Variants in PLEKHS1 observed in about 807,000 individuals in gnomAD.
PLEKHS1 encodes pleckstrin homology domain-containing family S member 1.
In PLEKHS1, 55 loss-of-function variants were observed where a neutral mutation model predicts 51.0. The ratio of observed to expected loss-of-function variants is 1.08; its 90% CI spans 0.87 to 1.35. The LOEUF (loss-of-function observed/expected upper bound fraction) is 1.35. Among genes scored for constraint, PLEKHS1 ranks in the 40% most tolerant of loss-of-function variants. The probability of loss-of-function intolerance (pLI) is 0.00; values close to 1 mark genes in which losing one functional copy is unlikely to be tolerated. For synonymous variants in PLEKHS1, 153 were observed against 144.8 expected, an observed-to-expected ratio of 1.06 and a Z score of -0.41; for missense variants, 398 against 423.0, an observed-to-expected ratio of 0.94 and a Z score of 0.52.
intron 1 of PLEKHS1, among the ~76,000 whole-genome samples, chr10:113,753,181 T>C (rs1024178843): frequency 2.6e-5 from 4 of 152,116 alleles, no homozygotes; most frequent in African/African-American, 9.7e-5. Context: ...GATTGGATCC[T>C]TGAGGGCCAT....
chr10:113,766,378 A>T, intron 2 of PLEKHS1, 33 bp from the exon 3 acceptor site: 1 of 1,308,726 alleles, frequency 7.6e-7, no homozygotes, highest in African/African-American at 1.5e-5. Context: ...GAAATTTATG[A>T]GGAACAAACT....
intron 2 of PLEKHS1, among the ~76,000 whole-genome samples, chr10:113,766,006 C>T (rs1350001819): frequency 6.6e-6 from 1 of 152,198 alleles, no homozygotes; most frequent in Non-Finnish European, 1.5e-5. Context: ...TCTACCTGTC[C>T]CCCTTCCCCA....
At chr10:113,762,663 C>T (rs934721930) in intron 2 of PLEKHS1, among the ~76,000 whole-genome samples, 1 of 151,750 alleles carries the variant, frequency 6.6e-6, no homozygotes, top group Non-Finnish European at 1.5e-5. Context: ...TTTCATAGTG[C>T]TCTGAAAACA....
chr10:113,772,591 A>T, intron 8 of PLEKHS1, among the ~76,000 whole-genome samples: 1 of 152,164 alleles, frequency 6.6e-6, no homozygotes, highest in East Asian at 1.9e-4. Flanking sequence ...GGCTAAAGTA[A>T]TGAGCCTGAC....
chr10:113,753,251 G>A (rs1470226507), intron 1 of PLEKHS1, among the ~76,000 whole-genome samples: 2 of 152,134 alleles, frequency 1.3e-5, no homozygotes, highest in African/African-American at 4.8e-5. Flanking sequence ...CATGGACAGA[G>A]GGAAAGGTGA....
exon 12 of PLEKHS1, chr10:113,780,919 C>G: frequency 1.8e-5 from 13 of 737,654 alleles, no homozygotes; most frequent in Non-Finnish European, 2.4e-5. Flanking sequence ...ATGGGGATGA[C>G]TATCCCCTCT....
chr10:113,753,065 A>T (rs867620156), intron 1 of PLEKHS1, among the ~76,000 whole-genome samples: 32 of 152,232 alleles, frequency 2.1e-4, no homozygotes, highest in African/African-American at 4.3e-4. Context: ...AATATTTTTT[A>T]AAATGATTTT....
At chr10:113,777,051 G>C in intron 11 of PLEKHS1, 73 bp from the exon 12 acceptor site, 4 of 1,565,014 alleles carry the variant, frequency 2.6e-6, no homozygotes, top group Non-Finnish European at 3.5e-6. Flanking sequence ...CTAGAATCAG[G>C]AGACCCTGCG....
chr10:113,760,032 CAT>C (rs1843849777), intron 2 of PLEKHS1, among the ~76,000 whole-genome samples: 1 of 101,556 alleles, frequency 9.8e-6, no homozygotes, highest in South Asian at 4.0e-4. Context: ...TCCATGCAGT[CAT>C]ACTTCCCCAG....
chr10:113,781,139 G>A, exon 12 of PLEKHS1: 1 of 239,886 alleles, frequency 4.2e-6, no homozygotes, highest in Non-Finnish European at 8.2e-6. Context: ...AATACTCACT[G>A]CATGAAGGCA....
chr10:113,755,530 G>A (rs1001648813), intron 2 of PLEKHS1: 16 of 817,472 alleles, frequency 2.0e-5, no homozygotes, highest in Admixed American at 1.4e-4. Flanking sequence ...TCAGCCTCCC[G>A]AGGAGCTGGC....
rs894463579 is a variant in PLEKHS1 at position 113,755,339 on chromosome 10, C to T, written c.28+34C>T. 6.9e-6 allele frequency: 11 copies of T among 1,596,144 alleles called. No individual in the cohort carries two copies. In the Middle Eastern group the frequency reaches 8.3e-4, roughly 121 times the overall value. On this transcript the variant is annotated intron_variant, in intron 2 of 11. Coordinates refer to ENST00000361048, the Ensembl canonical transcript of PLEKHS1. ...GGGGTATAATCGCAGAAGCAGAAAT[C>T]TTTTTATTGAAAATGCCCCACGGTT...
chr10:113,767,312 C>A, intron 4 of PLEKHS1, 33 bp from the exon 5 acceptor site: 2 of 1,485,500 alleles, frequency 1.3e-6, no homozygotes, highest in Non-Finnish European at 1.8e-6. Flanking sequence ...CTGTATTTAC[C>A]TTGGTTTAAT....
chr10:113,769,574 G>T (rs1477865406), intron 6 of PLEKHS1, among the ~76,000 whole-genome samples: 3 of 152,200 alleles, frequency 2.0e-5, no homozygotes, highest in Non-Finnish European at 4.4e-5. Context: ...GGTCATCTCT[G>T]AGGGTCAGGC....
At chr10:113,769,468 TGTCTTCAA>T (rs546770243) in intron 6 of PLEKHS1, among the ~76,000 whole-genome samples, 25 of 152,204 alleles carry the variant, frequency 1.6e-4, no homozygotes, top group Non-Finnish European at 3.2e-4. Flanking sequence ...AATCAAGGCA[TGTCTTCAA>T]GTAGACTGAA....
chr10:113,765,476 T>C, intron 2 of PLEKHS1: 2 of 762,316 alleles, frequency 2.6e-6, no homozygotes. Context: ...CATGTGTTAA[T>C]CGACACTCTT....
At chr10:113,771,667 T>C in intron 7 of PLEKHS1, among the ~76,000 whole-genome samples, 3 of 104,686 alleles carry the variant, frequency 2.9e-5, no homozygotes, top group Admixed American at 1.2e-4. Flanking sequence ...AGAGTGAGAC[T>C]CTGTCTCAAA....
intron 2 of PLEKHS1, among the ~76,000 whole-genome samples, chr10:113,761,515 G>A (rs1181130523): frequency 1.4e-5 from 2 of 146,294 alleles, no homozygotes; most frequent in East Asian, 4.2e-4. Flanking sequence ...TTTAACCCTA[G>A]GTACTTTTTT....
intron 2 of PLEKHS1, chr10:113,765,376 C>T: frequency 2.6e-6 from 2 of 779,452 alleles, no homozygotes; most frequent in Non-Finnish European, 2.4e-6. Flanking sequence ...ATAAGTTTTT[C>T]CAGTATGGCT....
Sources: allele counts gnomAD v4.1 joint callset (sites outside exome capture counted in the v4.1 genomes callset), GRCh38; gene constraint gnomAD v4.1.1; transcripts MANE v1.5; gene names NCBI Gene and HGNC (gene_info 2026-07-23, HGNC 2026-07-21).